The following SLC44A5 variants were observed in gnomAD, a reference collection of about 807,000 sequenced individuals.
SLC44A5 encodes the protein solute carrier family 44 member 5.
A neutral mutation model predicts 101.8 loss-of-function variants in SLC44A5; 57 were observed. The observed-to-expected ratio is 0.56, with a 90% CI of 0.45 to 0.70. The LOEUF (loss-of-function observed/expected upper bound fraction) is 0.70. Among genes scored for constraint, SLC44A5 ranks in the 30% least tolerant of loss-of-function variants. The pLI, the probability that SLC44A5 is intolerant of heterozygous loss-of-function variation, is 0.00. For missense variants in SLC44A5, 737 were observed against 853.1 expected (o/e 0.86, Z 1.70); for synonymous variants, 281 against 290.9 (o/e 0.97, Z 0.35).
chr1:75,326,196 G>A (rs1306756094), intron 4 of SLC44A5, among the ~76,000 whole-genome samples: 1 of 149,654 alleles, frequency 6.7e-6, no homozygotes, highest in African/African-American at 2.5e-5. Context: ...ACCTGCCAGA[G>A]ATGAAACACT....
chr1:75,232,486 T>G (rs1380097838), intron 12 of SLC44A5, among the ~76,000 whole-genome samples: 1 of 152,122 alleles, frequency 6.6e-6, no homozygotes. Flanking sequence ...TGAAAGTTCT[T>G]GTGTTCCTGG....
chr1:75,659,549 T>G, the SLC44A5 span, among the ~76,000 whole-genome samples: 6 of 131,784 alleles, frequency 4.6e-5, no homozygotes, highest in African/African-American at 5.9e-5. Flanking sequence ...GCCAGGCACT[T>G]TGGGAGGCCA....
intron 5 of SLC44A5, among the ~76,000 whole-genome samples, chr1:75,278,671 G>A (rs1170734783): frequency 6.6e-6 from 1 of 152,134 alleles, no homozygotes. Flanking sequence ...GAAGAGATGT[G>A]AGTAGTCAAG....
chr1:75,240,041 A>G (rs1309495206), intron 9 of SLC44A5, among the ~76,000 whole-genome samples: 1 of 151,740 alleles, frequency 6.6e-6, no homozygotes, highest in Non-Finnish European at 1.5e-5. Context: ...TATTTCATAT[A>G]TTTTTTTCTG....
At chr1:75,389,145 T>C (rs1570106286) in intron 3 of SLC44A5, among the ~76,000 whole-genome samples, 1 of 152,188 alleles carries the variant, frequency 6.6e-6, no homozygotes, top group Admixed American at 6.5e-5. Flanking sequence ...GCCCTAAATA[T>C]ATACGCACTC....
intron 2 of SLC44A5, among the ~76,000 whole-genome samples, chr1:75,445,289 C>T (rs12057503): frequency 6.6e-6 from 1 of 151,934 alleles, no homozygotes; most frequent in Non-Finnish European, 1.5e-5. Context: ...ATGTGACACG[C>T]CTGCTCCCCT....
intron 3 of SLC44A5, among the ~76,000 whole-genome samples, chr1:75,356,845 T>C (rs1395504156): frequency 6.6e-6 from 1 of 152,216 alleles, no homozygotes; most frequent in Non-Finnish European, 1.5e-5. Flanking sequence ...TACTTGCCAT[T>C]GTGTTACAAT....
intron 3 of SLC44A5, among the ~76,000 whole-genome samples, chr1:75,343,969 C>T (rs920395174): frequency 6.6e-6 from 1 of 152,090 alleles, no homozygotes; most frequent in Non-Finnish European, 1.5e-5. Context: ...CGATATGGCT[C>T]ATCTCACCAG....
upstream of SLC44A5, chr1:75,615,836 G>A: frequency 2.0e-6 from 2 of 985,936 alleles, no homozygotes; most frequent in African/African-American, 1.7e-5. Flanking sequence ...GCGAGGGGAG[G>A]AGGGAGCGGG....
At chr1:75,616,811 C>G in the SLC44A5 span, among the ~76,000 whole-genome samples, 1 of 152,150 alleles carries the variant, frequency 6.6e-6, no homozygotes, top group Admixed American at 6.5e-5. Flanking sequence ...TAGTGAGGGC[C>G]CAGGATAGTT....
intron 2 of SLC44A5, chr1:75,398,272 A>C (rs1238274571): frequency 1.3e-5 from 5 of 384,806 alleles, no homozygotes; most frequent in Non-Finnish European, 1.8e-5. Flanking sequence ...TAGCTTATAT[A>C]ATAACAGTGG....
At chr1:75,250,990 T>C (rs1410464937) in intron 7 of SLC44A5, among the ~76,000 whole-genome samples, 4 of 152,202 alleles carry the variant, frequency 2.6e-5, no homozygotes, top group Non-Finnish European at 5.9e-5. Flanking sequence ...AAGACAATCA[T>C]CGAGCTTCCT....
intron 2 of SLC44A5, among the ~76,000 whole-genome samples, chr1:75,468,138 A>G (rs1380027136): frequency 6.6e-6 from 1 of 152,198 alleles, no homozygotes; most frequent in East Asian, 1.9e-4. Context: ...CATCCCGGTT[A>G]AAATGGCTTA....
At chr1:75,306,293 T>A (rs182990463) in intron 4 of SLC44A5, among the ~76,000 whole-genome samples, 25 of 152,290 alleles carry the variant, frequency 1.6e-4, no homozygotes, top group Admixed American at 3.9e-4. Flanking sequence ...AAGTCCTCTA[T>A]TGCAGCATTT....
the SLC44A5 span, among the ~76,000 whole-genome samples, chr1:75,698,907 T>A: frequency 6.6e-6 from 1 of 151,878 alleles, no homozygotes; most frequent in African/African-American, 2.4e-5. Context: ...GTATCAGCGA[T>A]GGAAGATGAA....
intron 2 of SLC44A5, among the ~76,000 whole-genome samples, chr1:75,470,438 G>A (rs1667043808): frequency 6.6e-6 from 1 of 152,174 alleles, no homozygotes; most frequent in Admixed American, 6.5e-5. Flanking sequence ...TGTTGTATGA[G>A]CTCTTCTGTA....
At chr1:75,490,896 T>C (rs1023833618) in intron 2 of SLC44A5, among the ~76,000 whole-genome samples, 1 of 152,170 alleles carries the variant, frequency 6.6e-6, no homozygotes, top group Non-Finnish European at 1.5e-5. Flanking sequence ...TTACTTATTC[T>C]GCTTATTATT....
intron 2 of SLC44A5, among the ~76,000 whole-genome samples, chr1:75,493,039 A>T (rs544825541): frequency 3.3e-5 from 5 of 152,346 alleles, no homozygotes; most frequent in African/African-American, 1.2e-4. Flanking sequence ...CCATGACCTC[A>T]TCATGTGAAG....
intron 2 of SLC44A5, chr1:75,537,991 A>C (rs572543783): frequency 6.6e-6 from 1 of 152,328 alleles, no homozygotes; most frequent in African/African-American, 2.4e-5. Flanking sequence ...ATTGGAACCC[A>C]AAGAAAGAAG....
Sources: allele counts gnomAD v4.1 joint callset (sites outside exome capture counted in the v4.1 genomes callset), GRCh38; gene constraint gnomAD v4.1.1; transcripts MANE v1.5; gene names NCBI Gene and HGNC (gene_info 2026-07-23, HGNC 2026-07-21).